Variants in CEMIP observed in about 807,000 individuals in gnomAD.
CEMIP encodes cell migration-inducing and hyaluronan-binding protein.
Under a neutral mutation model 156.9 loss-of-function variants are expected in CEMIP, and 105 were observed. The observed-to-expected ratio is 0.67, with a 90% CI of 0.57 to 0.79. The LOEUF (loss-of-function observed/expected upper bound fraction) is 0.79. CEMIP is among the 30% of genes least tolerant of loss of function. The pLI, the probability that CEMIP is intolerant of heterozygous loss-of-function variation, is 0.00. For synonymous variants in CEMIP, 676 were observed against 668.4 expected, an observed-to-expected ratio of 1.01 and a Z score of -0.17; for missense variants, 1,457 against 1,769.4, an observed-to-expected ratio of 0.82 and a Z score of 3.17.
intron 7 of CEMIP, 25 bp from the exon 8 acceptor site, chr15:80,887,669 T>C (rs1000370988): frequency 6.3e-7 from 1 of 1,589,384 alleles, no homozygotes. Flanking sequence ...AACTTTACTT[T>C]TTGTTATGTT....
rs1310766401 is a variant in CEMIP, at chr15:80,931,848, T to C, written c.2613-11T>C. ...CATTTAGACTGACATCTTACTTCCT[T>C]AACTCCGTAGGAATTTTCCAATTAG... On this transcript the variant is annotated splice_polypyrimidine_tract_variant and intron_variant, in intron 21 of 29. Coordinates refer to ENST00000394685, the MANE Select transcript of CEMIP (RefSeq NM_001293298.2). 3.1e-6 allele frequency: 5 copies of C among 1,613,300 alleles called. No homozygotes were observed. In the East Asian group the frequency reaches 1.1e-4, roughly 36 times the overall value.
intron 1 of CEMIP, among the ~76,000 whole-genome samples, chr15:80,848,251 C>A (rs528725488): frequency 6.6e-6 from 1 of 152,168 alleles, no homozygotes; most frequent in East Asian, 1.9e-4. Flanking sequence ...TATCTGGCCT[C>A]GTCACCTGGC....
chr15:80,851,821 G>C (rs1897722897), intron 1 of CEMIP, among the ~76,000 whole-genome samples: 2 of 152,128 alleles, frequency 1.3e-5, no homozygotes, highest in Non-Finnish European at 1.5e-5. Flanking sequence ...CTTCTTGAGG[G>C]ACCTCATACA....
intron 7 of CEMIP, 79 bp downstream of exon 7, chr15:80,884,433 A>G (rs1447452384): frequency 1.6e-5 from 23 of 1,433,994 alleles, no homozygotes; most frequent in Non-Finnish European, 2.2e-5. Context: ...TACCTTTCCC[A>G]TCTCCTCTCC....
At chr15:80,798,526 T>C (rs1889228008) in intron 1 of CEMIP, among the ~76,000 whole-genome samples, 1 of 152,216 alleles carries the variant, frequency 6.6e-6, no homozygotes, top group South Asian at 2.1e-4. Flanking sequence ...TTTACACTGA[T>C]ATTTGATATT....
intron 12 of CEMIP, among the ~76,000 whole-genome samples, chr15:80,899,563 C>T (rs933373699): frequency 5.9e-5 from 9 of 152,056 alleles, no homozygotes; most frequent in Non-Finnish European, 1.2e-4. Context: ...CACAGGGGAA[C>T]ATAAAGTTGA....
chr15:80,890,087 C>T (rs1020360602), intron 10 of CEMIP, among the ~76,000 whole-genome samples: 2 of 152,166 alleles, frequency 1.3e-5, no homozygotes, highest in African/African-American at 2.4e-5. Context: ...TGAAGGGGAC[C>T]TTGATGTTCT....
chr15:80,874,412 C>G (rs1898401965), intron 3 of CEMIP, among the ~76,000 whole-genome samples: 2 of 151,990 alleles, frequency 1.3e-5, no homozygotes, highest in African/African-American at 4.8e-5. Flanking sequence ...TAAAATCTCC[C>G]TAGTTTGTAA....
At chr15:80,884,396 T>C (rs1352425386) in intron 7 of CEMIP, 42 bp downstream of exon 7, 1 of 1,590,068 alleles carries the variant, frequency 6.3e-7, no homozygotes, top group East Asian at 2.2e-5. Flanking sequence ...TCTGGAACAT[T>C]GAAGCCACTC....
chr15:80,902,198 G>C (rs1899592216), intron 12 of CEMIP, among the ~76,000 whole-genome samples: 1 of 152,186 alleles, frequency 6.6e-6, no homozygotes, highest in Admixed American at 6.5e-5. Context: ...TGGGGGTTGT[G>C]GAAGCAGGAC....
At chr15:80,863,854 C>G (rs1596141953) in intron 1 of CEMIP, among the ~76,000 whole-genome samples, 3 of 152,244 alleles carry the variant, frequency 2.0e-5, no homozygotes, top group South Asian at 4.1e-4. Flanking sequence ...CATGGAATCC[C>G]CCAGAAGGGT....
At chr15:80,785,088 TC>T (rs1399451737) in intron 1 of CEMIP, among the ~76,000 whole-genome samples, 2 of 152,184 alleles carry the variant, frequency 1.3e-5, no homozygotes, top group Non-Finnish European at 2.9e-5. Flanking sequence ...TAATAAATTT[TC>T]CAAAGCTCTC....
At chr15:80,931,474 T>G (rs1247333755) in intron 21 of CEMIP, among the ~76,000 whole-genome samples, 1 of 152,164 alleles carries the variant, frequency 6.6e-6, no homozygotes, top group South Asian at 2.1e-4. Context: ...TTTACAGTAT[T>G]TACCCAATGA....
At chr15:80,844,898 G>C (rs1207633036) in intron 1 of CEMIP, among the ~76,000 whole-genome samples, 2 of 152,208 alleles carry the variant, frequency 1.3e-5, no homozygotes, top group Non-Finnish European at 2.9e-5. Flanking sequence ...GCAGGACTCA[G>C]AGCCCCAGAA....
At chr15:80,879,071 A>G (rs1898560507) in intron 4 of CEMIP, among the ~76,000 whole-genome samples, 1 of 152,224 alleles carries the variant, frequency 6.6e-6, no homozygotes, top group African/African-American at 2.4e-5. Context: ...TGAAAGGAGC[A>G]CTTATCGAGA....
chr15:80,800,461 G>A (rs1027763003), intron 1 of CEMIP, among the ~76,000 whole-genome samples: 3 of 152,250 alleles, frequency 2.0e-5, no homozygotes, highest in Non-Finnish European at 4.4e-5. Context: ...GCTTTTCCAC[G>A]TCTTCCCACA....
At chr15:80,899,889 C>A (rs1228694148) in intron 12 of CEMIP, among the ~76,000 whole-genome samples, 1 of 152,172 alleles carries the variant, frequency 6.6e-6, no homozygotes, top group Admixed American at 6.5e-5. Flanking sequence ...TCAGATGTCC[C>A]CCTGGACTCT....
In CEMIP at chr15:80,879,846, G is replaced by A. The variant is rs772345221; in HGVS notation, c.372G>A (p.Leu124=). The A allele has an allele frequency of 7.4e-6, 12 of 1,614,128 alleles. No homozygotes were observed. The highest frequency in any genetic ancestry group is 5.0e-5 in the Admixed American group (3 of 60,030). The change falls in exon 5 of 30, where the codon TTG becomes TTA. Residue 124 remains leucine, a synonymous_variant. Transcript: ENST00000394685. ...TCCAGGGCAATTTCACCATCATTTT[G>A]TATGGAAGGTGCGTAGACCACTCCT... is the stretch of plus-strand genomic sequence containing the variant. ...CPFQGNFTII[L]YGRADEGIQP...
At chr15:80,829,991 T>TGTGTTA (rs1290525694) in intron 1 of CEMIP, among the ~76,000 whole-genome samples, 1 of 86,326 alleles carries the variant, frequency 1.2e-5, no homozygotes, top group Non-Finnish European at 2.5e-5. Flanking sequence ...TGTGTGTGTG[T>TGTGTTA]GTGTGTGTGT....
Sources: gnomAD v4.1 joint callset for allele counts (sites outside exome capture counted in the v4.1 genomes callset) on GRCh38, gnomAD v4.1.1 for gene constraint, MANE v1.5 for transcripts, NCBI Gene and HGNC (gene_info 2026-07-23, HGNC 2026-07-21) for gene names.